Variants in DCDC2B observed in about 807,000 individuals in gnomAD.
DCDC2B encodes doublecortin domain containing 2B, also known as doublecortin domain-containing protein 2B.
In DCDC2B, 41 loss-of-function variants were observed where a neutral mutation model predicts 38.9. The observed-to-expected ratio is 1.05, with a 90% CI of 0.82 to 1.37. DCDC2B has a LOEUF of 1.37. Ranked by LOEUF, DCDC2B falls within the 40% of genes most tolerant of loss-of-function variation. The pLI is 0.00. For synonymous variants in DCDC2B, 181 were observed against 171.9 expected, an observed-to-expected ratio of 1.05 and a Z score of -0.41; for missense variants, 453 against 427.2, an observed-to-expected ratio of 1.06 and a Z score of -0.53.
rs763026221 is a variant in DCDC2B at position 32,215,806 on chromosome 1, C to A, written c.959C>A (p.Ala320Glu). 3.2e-6 allele frequency: 5 copies of A among 1,552,046 alleles called. No homozygotes were observed. Among genetic ancestry groups the A allele is most frequent in the Non-Finnish European group, 4.4e-6 (5 of 1,147,088 alleles). ...TQTEEPLDQR[A>E]AQIVEEALSL... ...ATGGCCTTCCACCTCCTGCAGAGGG[C>A]AGCACAGATAGTGGAAGAGGCCTTG... The change falls in exon 9 of 9, where the codon GCA becomes GAA. Residue 320 changes from alanine to glutamate, a missense_variant. Ala to Glu is a moderately radical substitution (Grantham distance 107). Transcript: ENST00000409358.
Position 32,213,503 on chromosome 1 carries a change from AT to A in DCDC2B, c.714+733del, listed in dbSNP as rs4012160. 2.3e-3 allele frequency among the ~76,000 whole-genome samples: 272 copies of A among 116,572 alleles called. 1 individual carries two copies. The highest frequency in any genetic ancestry group is 3.8e-3 in the East Asian group (16 of 4,196). The allele number at this position is 116,572 out of a possible 152,430, so 76.5% of individuals were successfully genotyped here. On this transcript the variant is annotated intron_variant, in intron 6 of 8. Coordinates refer to ENST00000409358, the MANE Select transcript of DCDC2B (RefSeq NM_001099434.2). The stretch of plus-strand genomic sequence containing the variant: ...AGGTATGTGCCACCACACCCGGCTA[AT>A]TTTTTTTTTTTTTTTTTTTTTTGAG...
Position 32,211,279 on chromosome 1 carries a change from C to A in DCDC2B, c.274C>A (p.Pro92Thr). Residue 92 changes from proline to threonine, a missense_variant, in exon 2 of 9, where the codon CCC becomes ACC. Coordinates refer to ENST00000409358, the MANE Select transcript of DCDC2B (RefSeq NM_001099434.2). ...ATCTATCTGTCCTTTCAGCTATTTA[C>A]CCCATAGAGGGAAGGACCCAGGTGG... ...FERFHKLHYL[P>T]HRGKDPGGKS... is the part of the protein sequence containing the mutation. 1 of 1,613,854 alleles carries A rather than the reference C, an allele frequency of 6.2e-7. No homozygotes were observed. The highest frequency in any genetic ancestry group is 8.5e-7 in the Non-Finnish European group (1 of 1,179,820).
In DCDC2B at chr1:32,211,776, C is replaced by T. The variant is rs202211725; in HGVS notation, c.334C>T (p.Arg112Cys). The change falls in exon 3 of 9, where the codon CGC becomes TGC. Residue 112 changes from arginine (R) to cysteine (C), a missense_variant. Arg to Cys is a radical substitution (Grantham distance 180). Coordinates refer to ENST00000409358, the MANE Select transcript of DCDC2B (RefSeq NM_001099434.2). ...TGGGTTTCAGGGTCCTCCCGTGACT[C>T]GCCACTTGTGTGATGGGGCCATTGG... Reference protein sequence around the residue: ...SCRLQGPPVTRHLCDGAIGRQ... With the variant: ...SCRLQGPPVTCHLCDGAIGRQ... The T allele has an allele frequency of 1.5e-5, 24 of 1,609,296 alleles. No homozygotes were observed. The highest frequency in any genetic ancestry group is 1.5e-4 in the African/African-American group (11 of 74,846).
rs1277924237 is a variant in DCDC2B, at chr1:32,209,107, G to A, written c.14G>A (p.Ser5Asn). 1.2e-6 allele frequency: 2 copies of A among 1,613,660 alleles called. No individual in the cohort carries two copies. Among genetic ancestry groups the A allele is most frequent in the East Asian group, 4.5e-5 (2 of 44,894 alleles). MAGG[S>N]PAAKRVVVYR... Reference sequence around the variant, plus strand: ...TGAGGATACACTATGGCAGGTGGCAGTCCAGCAGCCAAGAGGGTAGTGGTG... The same window carrying A: ...TGAGGATACACTATGGCAGGTGGCAATCCAGCAGCCAAGAGGGTAGTGGTG... The change falls in exon 1 of 9, where the codon AGT becomes AAT. Residue 5 changes from serine to asparagine, a missense_variant. Coordinates refer to ENST00000409358, the MANE Select transcript of DCDC2B (RefSeq NM_001099434.2).
rs775156514 is a variant in DCDC2B, at chr1:32,212,641, G to GT, written c.674+6dup. The GT allele has an allele frequency of 5.6e-6, 9 of 1,613,856 alleles. 1 individual carries two copies. The Admixed American group carries it at 1.5e-4, about 27-fold the overall frequency. ...CTCCCTGCCCAGGGGCTGCTGGTAT[G>GT]TATGTGGGAGGTGGAGCGGTAACAG... On this transcript the variant is annotated splice_donor_region_variant and intron_variant, in intron 5 of 8. Transcript: ENST00000409358.
At chr1:32,215,736 C>A in intron 8 of DCDC2B, 66 bp from the exon 9 acceptor site, 1 of 1,355,168 alleles carries the variant, frequency 7.4e-7, no homozygotes, top group South Asian at 1.3e-5. Flanking sequence ...TGGGGACCTC[C>A]TGGCTGAGAG....
Position 32,216,103 on chromosome 1 carries a change from G to A in DCDC2B, c.*206G>A, listed in dbSNP as rs1638362799. On this transcript the variant is annotated 3_prime_UTR_variant, in exon 9 of 9. Transcript: ENST00000409358. ...GAGCAGAGCAGCCCTGGCTGTGGGG[G>A]CTATTTCCTTATGGGATTCTCTGGC... 1 of 672,608 alleles carries A rather than the reference G, an allele frequency of 1.5e-6. No homozygotes were observed. Among genetic ancestry groups the A allele is most frequent in the Non-Finnish European group, 2.5e-6 (1 of 402,042 alleles). 41.7% of individuals were successfully genotyped at this position (672,608 alleles called of 1,614,324 possible).
At position 32,216,107 on chromosome 1, in the gene DCDC2B, T is replaced by C; in HGVS notation, c.*210T>C. The C allele has an allele frequency of 1.5e-6, 1 of 675,154 alleles. No individual in the cohort carries two copies. Among genetic ancestry groups the C allele is most frequent in the Non-Finnish European group, 2.5e-6 (1 of 404,802 alleles). The allele number at this position is 675,154 out of a possible 1,614,324, so 41.8% of individuals were successfully genotyped here. A position where few individuals can be genotyped will look rare whatever the true frequency, so the allele number is the denominator to read the frequency against. ...AGAGCAGCCCTGGCTGTGGGGGCTA[T>C]TTCCTTATGGGATTCTCTGGCCAGA... is the stretch of plus-strand genomic sequence containing the variant. On this transcript the variant is annotated 3_prime_UTR_variant, in exon 9 of 9. Transcript: ENST00000409358.
At chr1:32,213,493 C>A (rs1643670518) in intron 6 of DCDC2B, among the ~76,000 whole-genome samples, 1 of 150,520 alleles carries the variant, frequency 6.6e-6, no homozygotes, top group South Asian at 2.1e-4. Context: ...TGTGCCACCA[C>A]ACCCGGCTAA....
At chr1:32,215,275 G>A in intron 7 of DCDC2B, 165 bp from the exon 8 acceptor site, 1 of 638,008 alleles carries the variant, frequency 1.6e-6, no homozygotes, top group Non-Finnish European at 2.7e-6. Flanking sequence ...GAGGGGATGG[G>A]GGTGGGACCA....
chr1:32,212,922 G>C, intron 6 of DCDC2B, 129 bp downstream of exon 6: 1 of 1,142,032 alleles, frequency 8.8e-7, no homozygotes, highest in South Asian at 1.5e-5. Flanking sequence ...ACAGAGTCTT[G>C]CTCTGTAGTC....
Position 32,215,857 on chromosome 1 carries a change from G to GGCAA in DCDC2B, c.1011_1012insCAAG (p.Ala338GlnfsTer34), listed in dbSNP as rs757874544. Reference sequence around the variant, plus strand: ...TCCCTGGAAAACCAGCCTGGGGCTGGGGCTGCTATCTCAGCCTCAGCCCCA... The same window carrying GGCAA: ...TCCCTGGAAAACCAGCCTGGGGCTGGGCAAGGCTGCTATCTCAGCCTCAGCCCCA... On this transcript the variant is annotated frameshift_variant, in exon 9 of 9. Transcript: ENST00000409358. LOFTEE classifies it high-confidence loss of function. The GGCAA allele has an allele frequency of 6.4e-7, 1 of 1,552,894 alleles. No individual in the cohort carries two copies. Among genetic ancestry groups the GGCAA allele is most frequent in the South Asian group, 1.2e-5 (1 of 84,114 alleles).
At chr1:32,215,239 C>G in intron 7 of DCDC2B, 1 of 596,304 alleles carries the variant, frequency 1.7e-6, no homozygotes, top group South Asian at 2.3e-5. Context: ...GTGCTTAAAG[C>G]GATAAGACTT....
In DCDC2B at chr1:32,212,162, T is replaced by C; in HGVS notation, c.488T>C (p.Leu163Pro). 2 of 1,613,826 alleles carry C rather than the reference T, an allele frequency of 1.2e-6. No individual in the cohort carries two copies. Among genetic ancestry groups the C allele is most frequent in the Non-Finnish European group, 1.7e-6 (2 of 1,179,878 alleles). ...SQDWETVLKL[L>P]TEKVKLQSGA... is the part of the protein sequence containing the mutation. ...GACTGGGAAACTGTGTTGAAGCTCC[T>C]GACTGAGAAGGTCAAGTTGCAGAGT... Residue 163 changes from leucine (L) to proline (P), a missense_variant, in exon 4 of 9, where the codon CTG (leucine) becomes CCG (proline). Leu to Pro is a moderately conservative substitution (Grantham distance 98). Transcript: ENST00000409358.
Position 32,214,780 on chromosome 1 carries a change from CA to C in DCDC2B, c.715-16del. ...ATGGCCAGCAATCAGGGTCCAAGCC[CA>C]GTGTCCCTTCTCTAGGCCCAAGGCC... On this transcript the variant is annotated splice_polypyrimidine_tract_variant and intron_variant, in intron 6 of 8. Transcript: ENST00000409358. The C allele has an allele frequency of 6.2e-7, 1 of 1,613,784 alleles. No individual in the cohort carries two copies. The highest frequency in any genetic ancestry group is 8.5e-7 in the Non-Finnish European group (1 of 1,179,760).
At chr1:32,210,187 C>T (rs1643522999) in intron 1 of DCDC2B, among the ~76,000 whole-genome samples, 1 of 152,068 alleles carries the variant, frequency 6.6e-6, no homozygotes, top group African/African-American at 2.4e-5. Flanking sequence ...ATTAGCTGAG[C>T]GTAGTGGCGC....
chr1:32,210,325 TAAAAAAAAAAAAA>T (rs905848009), intron 1 of DCDC2B, among the ~76,000 whole-genome samples: 1 of 78,746 alleles, frequency 1.3e-5, no homozygotes, highest in African/African-American at 5.0e-5. Context: ...AAACTCCATC[TAAAAAAAAAAAAA>T]AAAAAAAAAA....
chr1:32,212,177 A>G lies in DCDC2B; in HGVS notation c.503A>G (p.Lys168Arg), dbSNP rs1284726744. Residue 168 changes from lysine to arginine, a missense_variant, in exon 4 of 9, where the codon AAG becomes AGG. Lys to Arg is a conservative substitution (Grantham distance 26). Transcript: ENST00000409358. ...TTGAAGCTCCTGACTGAGAAGGTCAAGTTGCAGAGTGGGGCTGTGTGCAAG... is the reference window on the plus strand; with the variant it reads ...TTGAAGCTCCTGACTGAGAAGGTCAGGTTGCAGAGTGGGGCTGTGTGCAAG... ...TVLKLLTEKV[K>R]LQSGAVCKLC... 3.1e-6 allele frequency: 5 copies of G among 1,613,510 alleles called. No homozygotes were observed. The highest frequency in any genetic ancestry group is 1.7e-5 in the Admixed American group (1 of 59,994).
chr1:32,213,815 C>T (rs530075868), intron 6 of DCDC2B, among the ~76,000 whole-genome samples: 9 of 150,782 alleles, frequency 6.0e-5, no homozygotes, highest in East Asian at 2.0e-4. Flanking sequence ...CAGCCACACC[C>T]GGCTAATTTT....
Sources: gnomAD v4.1 joint callset for allele counts (sites outside exome capture counted in the v4.1 genomes callset) on GRCh38, gnomAD v4.1.1 for gene constraint, MANE v1.5 for transcripts, NCBI Gene and HGNC (gene_info 2026-07-23, HGNC 2026-07-21) for gene names.